FIP1L1: variants seen among roughly 807,000 people sequenced by gnomAD.
FIP1L1 encodes factor interacting with PAPOLA and CPSF1.
In FIP1L1, 21 loss-of-function variants were observed where a neutral mutation model predicts 84.6. The observed-to-expected ratio is 0.25, with a 90% CI of 0.18 to 0.36. The LOEUF (loss-of-function observed/expected upper bound fraction) is 0.36. Ranked by LOEUF, FIP1L1 falls within the 10% of genes least tolerant of loss-of-function variation. The pLI is 1.00. For missense variants in FIP1L1, 526 were observed against 751.1 expected (o/e 0.70, Z 3.50); for synonymous variants, 263 against 242.3 (o/e 1.09, Z -0.80).
chr4:53,450,052 G>A (rs1775765389), intron 15 of FIP1L1, among the ~76,000 whole-genome samples: 1 of 151,682 alleles, frequency 6.6e-6, no homozygotes, highest in African/African-American at 2.4e-5. Context: ...TCCATTATAT[G>A]GTAGTTTTCT....
intron 13 of FIP1L1, among the ~76,000 whole-genome samples, chr4:53,436,234 A>G (rs1769134106): frequency 6.6e-6 from 1 of 152,198 alleles, no homozygotes; most frequent in Non-Finnish European, 1.5e-5. Flanking sequence ...AACAGTTTTC[A>G]TGGGTCAGGA....
intron 10 of FIP1L1, among the ~76,000 whole-genome samples, chr4:53,407,380 T>A (rs990120819): frequency 1.6e-4 from 24 of 152,244 alleles, no homozygotes; most frequent in African/African-American, 5.8e-4. Context: ...AGAGACAGTT[T>A]GTTATAATTT....
intron 10 of FIP1L1, among the ~76,000 whole-genome samples, chr4:53,406,410 C>T (rs1437823994): frequency 1.3e-5 from 2 of 152,138 alleles, no homozygotes; most frequent in Non-Finnish European, 2.9e-5. Context: ...ATTTGTTTTG[C>T]CAGTATGTTA....
At chr4:53,413,990 C>G (rs983528615) in intron 10 of FIP1L1, among the ~76,000 whole-genome samples, 1 of 152,068 alleles carries the variant, frequency 6.6e-6, no homozygotes, top group African/African-American at 2.4e-5. Context: ...GTATATATAT[C>G]CTGTTGCTTT....
chr4:53,428,575 T>A (rs1765257936), intron 13 of FIP1L1, among the ~76,000 whole-genome samples: 1 of 148,830 alleles, frequency 6.7e-6, no homozygotes, highest in Non-Finnish European at 1.5e-5. Context: ...TGCGAAGAGA[T>A]TGATTAATAT....
intron 13 of FIP1L1, among the ~76,000 whole-genome samples, chr4:53,430,086 C>T (rs1183939522): frequency 6.6e-6 from 1 of 152,124 alleles, no homozygotes; most frequent in Non-Finnish European, 1.5e-5. Context: ...CAGGTTCATG[C>T]ATGTTGTCAC....
intron 9 of FIP1L1, among the ~76,000 whole-genome samples, 189 bp from the exon 10 acceptor site, chr4:53,399,541 C>A (rs1477737615): frequency 6.6e-6 from 1 of 151,970 alleles, no homozygotes; most frequent in Non-Finnish European, 1.5e-5. Context: ...CATTTTGATC[C>A]CATACTCTCT....
In FIP1L1 at chr4:53,389,854, A is replaced by G. The variant is rs1254497446; in HGVS notation, c.378A>G (p.Gly126=). The change falls in exon 6 of 18, where the codon GGA becomes GGG. Residue 126 remains glycine, a synonymous_variant. Transcript: ENST00000337488. ...TAAATCTTAACATCAAGACAGGGGG[A>G]AGAGTTTATGGAACTACAGGTAAAA... is the stretch of plus-strand genomic sequence containing the variant. ...APVNLNIKTG[G]RVYGTTGTKV... 1.2e-6 allele frequency: 2 copies of G among 1,601,666 alleles called. No individual in the cohort carries two copies. Among genetic ancestry groups the G allele is most frequent in the Non-Finnish European group, 1.7e-6 (2 of 1,175,788 alleles).
At position 53,459,456 on chromosome 4, in the gene FIP1L1, T is replaced by C. The variant is rs1334433637; in HGVS notation, c.*7T>C. The C allele has an allele frequency of 2.5e-6, 4 of 1,613,274 alleles. No individual in the cohort carries two copies. In the African/African-American group the frequency reaches 5.3e-5, roughly 22 times the overall value. On this transcript the variant is annotated 3_prime_UTR_variant, in exon 18 of 18. Coordinates refer to ENST00000337488, the MANE Select transcript of FIP1L1 (RefSeq NM_030917.4). ...AGCTACACCTGCAGAATAGGCATGGTTTTGGCCTTTTGTGTATATTAGTAC... is the reference window on the plus strand; with the variant it reads ...AGCTACACCTGCAGAATAGGCATGGCTTTGGCCTTTTGTGTATATTAGTAC...
chr4:53,433,736 G>C (rs1767798580), intron 13 of FIP1L1, among the ~76,000 whole-genome samples: 1 of 152,098 alleles, frequency 6.6e-6, no homozygotes, highest in Admixed American at 6.5e-5. Flanking sequence ...CAGGATCCCT[G>C]CTTTTAAAGT....
At chr4:53,438,948 A>T (rs1391250111) in intron 13 of FIP1L1, among the ~76,000 whole-genome samples, 4 of 152,182 alleles carry the variant, frequency 2.6e-5, no homozygotes, top group Non-Finnish European at 5.9e-5. Context: ...ATTATAGTAT[A>T]TAGAATGGGT....
At chr4:53,404,809 T>C (rs1301894347) in intron 10 of FIP1L1, among the ~76,000 whole-genome samples, 1 of 152,110 alleles carries the variant, frequency 6.6e-6, no homozygotes, top group African/African-American at 2.4e-5. Flanking sequence ...ATAAATGTCT[T>C]CTTTTGAGAA....
rs934440404 is a variant in FIP1L1 at position 53,393,707 on chromosome 4, C to T, written c.705+2209C>T. 8.2e-5 allele frequency among the ~76,000 whole-genome samples: 12 copies of T among 146,800 alleles called. No homozygotes were observed. In the Admixed American group the frequency reaches 8.6e-4, roughly 10 times the overall value. ...ATGTATGAGAAAACGTTGACTACAA[C>T]GTTTTCTTAAAATATTTTTTATTCA... On this transcript the variant is annotated intron_variant, in intron 9 of 17. Coordinates refer to ENST00000337488, the MANE Select transcript of FIP1L1 (RefSeq NM_030917.4).
chr4:53,442,682 C>A lies in FIP1L1; in HGVS notation c.1204C>A (p.Pro402Thr). The change falls in exon 14 of 18, where the codon CCA (proline) becomes ACA (threonine). Residue 402 changes from proline to threonine, a missense_variant. This residue lies in a region of FIP1L1 where 83 missense variants were observed against 93.8 expected (regional missense o/e 0.88). Transcript: ENST00000337488. ...TCCTCCTCCACCAGGCGCTCCACCTCCATCTCTTATACCAACAATAGAAAG... is the reference window on the plus strand; with the variant it reads ...TCCTCCTCCACCAGGCGCTCCACCTACATCTCTTATACCAACAATAGAAAG... ...GFPPPPGAPPPSLIPTIESGH... is the reference protein window; with the variant it reads ...GFPPPPGAPPTSLIPTIESGH... 6.2e-7 allele frequency: 1 copy of A among 1,605,422 alleles called. No individual in the cohort carries two copies. Among genetic ancestry groups the A allele is most frequent in the Non-Finnish European group, 8.5e-7 (1 of 1,172,516 alleles).
chr4:53,418,382 G>A (rs181004652), intron 11 of FIP1L1, among the ~76,000 whole-genome samples: 6 of 152,234 alleles, frequency 3.9e-5, no homozygotes, highest in African/African-American at 1.2e-4. Context: ...GTGTTTTCCC[G>A]ATTTTAACAG....
At chr4:53,403,054 A>G (rs768417936) in intron 10 of FIP1L1, among the ~76,000 whole-genome samples, 1 of 152,206 alleles carries the variant, frequency 6.6e-6, no homozygotes, top group Non-Finnish European at 1.5e-5. Flanking sequence ...GGAAGGTAGC[A>G]TTGAGTGTTT....
chr4:53,440,799 T>C, intron 13 of FIP1L1: 1 of 538,304 alleles, frequency 1.9e-6, no homozygotes, highest in Non-Finnish European at 3.4e-6. Flanking sequence ...TATACCTGTC[T>C]TACCCGTTTC....
chr4:53,427,310 G>A (rs1342266735), intron 12 of FIP1L1, among the ~76,000 whole-genome samples: 1 of 152,058 alleles, frequency 6.6e-6, no homozygotes, highest in African/African-American at 2.4e-5. Context: ...ACACATCCTT[G>A]GGGAGCTTAT....
intron 10 of FIP1L1, among the ~76,000 whole-genome samples, chr4:53,411,969 T>A (rs1325198367): frequency 6.6e-6 from 1 of 151,942 alleles, no homozygotes; most frequent in Non-Finnish European, 1.5e-5. Context: ...GGATATAGAC[T>A]GATAGAACGT....
Sources: allele counts gnomAD v4.1 joint callset (sites outside exome capture counted in the v4.1 genomes callset), GRCh38; gene constraint gnomAD v4.1.1; regional missense constraint gnomAD v4.1.1; transcripts MANE v1.5; gene names NCBI Gene and HGNC (gene_info 2026-07-23, HGNC 2026-07-21).